The following KCNB2 variants were observed in gnomAD, a reference collection of about 807,000 sequenced individuals.
KCNB2 encodes delayed rectifier potassium channel protein.
A neutral mutation model predicts 61.5 loss-of-function variants in KCNB2; 15 were observed. The ratio of observed to expected loss-of-function variants is 0.24; its 90% CI spans 0.16 to 0.38. The LOEUF is 0.38. KCNB2 is among the 10% of genes least tolerant of loss of function. The pLI is 1.00. For missense variants in KCNB2, 828 were observed against 1,125.2 expected, an observed-to-expected ratio of 0.74 and a Z score of 3.78; for synonymous variants, 457 against 446.0, an observed-to-expected ratio of 1.02 and a Z score of -0.31.
intron 2 of KCNB2, among the ~76,000 whole-genome samples, chr8:72,868,420 A>G (rs541393392): frequency 2.0e-5 from 3 of 151,990 alleles, no homozygotes; most frequent in African/African-American, 7.2e-5. Flanking sequence ...TCTACTAAAA[A>G]TACAAAAATT....
intron 2 of KCNB2, among the ~76,000 whole-genome samples, chr8:72,823,476 A>G (rs927142868): frequency 9.9e-5 from 15 of 152,204 alleles, no homozygotes; most frequent in African/African-American, 1.9e-4. Context: ...TCCTTCATTA[A>G]TCGTGATCTG....
At position 72,551,397 on chromosome 8, in the gene KCNB2, C is replaced by T. The variant is rs192479104; in HGVS notation, c.-94+13512C>T. Among the ~76,000 whole-genome samples the T allele has an allele frequency of 5.9e-5, 9 of 152,264 alleles. No individual in the cohort carries two copies. The East Asian group carries it at 9.6e-4, about 16-fold the overall frequency. ...ACTAGTAGAAAGCTGTTGTACATGACGGGCTCTGGTCAGTCTGGCCCCTTG... is the reference window on the plus strand; with the variant it reads ...ACTAGTAGAAAGCTGTTGTACATGATGGGCTCTGGTCAGTCTGGCCCCTTG... On this transcript the variant is annotated intron_variant, in intron 1 of 2. Coordinates refer to ENST00000523207, the MANE Select transcript of KCNB2 (RefSeq NM_004770.3).
chr8:72,582,097 A>G (rs1003674301), intron 2 of KCNB2, among the ~76,000 whole-genome samples: 3 of 152,196 alleles, frequency 2.0e-5, no homozygotes, highest in Admixed American at 6.5e-5. Context: ...GTCTAATGAG[A>G]CACAACACCC....
At chr8:72,865,037 C>T (rs1368532838) in intron 2 of KCNB2, among the ~76,000 whole-genome samples, 1 of 152,190 alleles carries the variant, frequency 6.6e-6, no homozygotes, top group Non-Finnish European at 1.5e-5. Flanking sequence ...TCTCATCTGC[C>T]TGTGGCCACT....
intron 2 of KCNB2, among the ~76,000 whole-genome samples, chr8:72,841,864 G>A (rs1203768672): frequency 6.6e-6 from 1 of 152,200 alleles, no homozygotes; most frequent in East Asian, 1.9e-4. Flanking sequence ...ATACAATCAT[G>A]TCATCTGCAA....
At chr8:72,745,772 A>T (rs186022343) in intron 2 of KCNB2, among the ~76,000 whole-genome samples, 194 of 152,196 alleles carry the variant, frequency 1.3e-3, no homozygotes, top group African/African-American at 4.3e-3. Flanking sequence ...AGTTGATATC[A>T]CCTGGCTTGG....
intron 1 of KCNB2, among the ~76,000 whole-genome samples, chr8:72,542,445 G>T (rs1383863063): frequency 6.6e-6 from 1 of 151,852 alleles, no homozygotes. Context: ...ATGATGTTTA[G>T]GTCCTCAGAC....
rs191919421 is a variant in KCNB2, at chr8:72,793,005, G to A, written c.580-142930G>A. Among the ~76,000 whole-genome samples the A allele has an allele frequency of 4.5e-4, 68 of 152,250 alleles. 1 individual carries two copies. The highest frequency in any genetic ancestry group is 3.1e-3 in the Admixed American group (48 of 15,300). On this transcript the variant is annotated intron_variant, in intron 2 of 2. Transcript: ENST00000523207. ...TCCCCTCTTCAAACCAAAGAATGAC[G>A]GTTTGAAACCTGTGACTAGCTAGAC...
At chr8:72,632,080 A>G (rs1039498150) in intron 2 of KCNB2, among the ~76,000 whole-genome samples, 1 of 147,114 alleles carries the variant, frequency 6.8e-6, no homozygotes, top group African/African-American at 2.5e-5. Context: ...TTTTAAAAAA[A>G]GATTTTTTTT....
At chr8:72,901,322 A>G (rs1020511087) in intron 2 of KCNB2, among the ~76,000 whole-genome samples, 2 of 152,206 alleles carry the variant, frequency 1.3e-5, no homozygotes, top group African/African-American at 2.4e-5. Flanking sequence ...AAGAAACAGT[A>G]GCAGGGTTTC....
chr8:72,922,542 A>T (rs13251382), intron 2 of KCNB2, among the ~76,000 whole-genome samples: 1 of 152,016 alleles, frequency 6.6e-6, no homozygotes, highest in African/African-American at 2.4e-5. Context: ...TTTTGCTTCA[A>T]AGATGGAGCA....
intron 2 of KCNB2, among the ~76,000 whole-genome samples, chr8:72,585,637 G>C (rs1806990661): frequency 6.6e-6 from 1 of 152,066 alleles, no homozygotes; most frequent in South Asian, 2.1e-4. Context: ...CAAAGTGTTG[G>C]GATTACAGGC....
At chr8:72,815,356 G>A (rs1021341279) in intron 2 of KCNB2, among the ~76,000 whole-genome samples, 1 of 151,984 alleles carries the variant, frequency 6.6e-6, no homozygotes, top group Non-Finnish European at 1.5e-5. Context: ...AATAAGGAAA[G>A]CCTATTTTAT....
intron 2 of KCNB2, among the ~76,000 whole-genome samples, chr8:72,915,183 A>G (rs764116551): frequency 2.6e-4 from 40 of 152,268 alleles, no homozygotes; most frequent in Admixed American, 5.2e-4. Context: ...CGGCCTCCCA[A>G]AGTGCTGGGA....
intron 2 of KCNB2, among the ~76,000 whole-genome samples, chr8:72,805,290 G>A (rs1809201209): frequency 6.6e-6 from 1 of 152,152 alleles, no homozygotes; most frequent in Non-Finnish European, 1.5e-5. Flanking sequence ...TTTCCCCAAT[G>A]TCTCCTCCCT....
intron 2 of KCNB2, among the ~76,000 whole-genome samples, chr8:72,706,578 C>G (rs79648768): frequency 0.034 from 5,150 of 152,208 alleles, 233 homozygotes; most frequent in East Asian, 0.18. Flanking sequence ...GGATTTATAG[C>G]TTTTTACAAA....
At chr8:72,580,435 C>A (rs936229460) in intron 2 of KCNB2, among the ~76,000 whole-genome samples, 64 of 152,294 alleles carry the variant, frequency 4.2e-4, no homozygotes, top group African/African-American at 1.5e-3. Flanking sequence ...TTTTTCATTC[C>A]TTTCCTATCA....
intron 2 of KCNB2, among the ~76,000 whole-genome samples, chr8:72,645,702 T>A (rs1325740107): frequency 6.6e-6 from 1 of 152,202 alleles, no homozygotes; most frequent in Non-Finnish European, 1.5e-5. Context: ...AATTATGTTC[T>A]GATGCTTTTT....
At chr8:72,714,597 G>C (rs1405084117) in intron 2 of KCNB2, among the ~76,000 whole-genome samples, 7 of 152,122 alleles carry the variant, frequency 4.6e-5, no homozygotes, top group Non-Finnish European at 8.8e-5. Context: ...ATACTTTACA[G>C]ACAAGCAAAT....
Sources: gnomAD v4.1 joint callset for allele counts (sites outside exome capture counted in the v4.1 genomes callset) on GRCh38, gnomAD v4.1.1 for gene constraint, MANE v1.5 for transcripts, NCBI Gene and HGNC (gene_info 2026-07-23, HGNC 2026-07-21) for gene names.